WDR64: variants seen among roughly 807,000 people sequenced by gnomAD.
The protein encoded by WDR64 is WD repeat-containing protein 64.
Under a neutral mutation model 139.3 loss-of-function variants are expected in WDR64, and 112 were observed. The observed-to-expected ratio is 0.80, with a 90% CI of 0.69 to 0.94. WDR64 has a LOEUF of 0.94. Among genes scored for constraint, WDR64 ranks in the 40% least tolerant of loss-of-function variants. The probability of loss-of-function intolerance (pLI) is 0.00; values close to 1 mark genes in which losing one functional copy is unlikely to be tolerated. For missense variants in WDR64, 1,206 were observed against 1,293.1 expected (o/e 0.93, Z 1.03); for synonymous variants, 444 against 437.7 (o/e 1.01, Z -0.18).
At chr1:241,735,810 T>C (rs1669285968) in intron 10 of WDR64, among the ~76,000 whole-genome samples, 1 of 132,362 alleles carries the variant, frequency 7.6e-6, no homozygotes, top group African/African-American at 3.1e-5. Flanking sequence ...TCCCAGCCTG[T>C]CCTTCTCTTT....
intron 25 of WDR64, among the ~76,000 whole-genome samples, chr1:241,793,394 T>C (rs888533489): frequency 6.6e-6 from 1 of 152,122 alleles, no homozygotes; most frequent in East Asian, 1.9e-4. Flanking sequence ...CCACTGAATG[T>C]TCAGTATGTC....
intron 26 of WDR64, 86 bp from the exon 27 acceptor site, chr1:241,796,171 T>G (rs1659358720): frequency 1.3e-6 from 1 of 797,016 alleles, no homozygotes; most frequent in Non-Finnish European, 1.9e-6. Flanking sequence ...CAGCTGGGCC[T>G]TCTCACTCCT....
intron 2 of WDR64, among the ~76,000 whole-genome samples, chr1:241,670,017 G>A (rs1299461774): frequency 6.6e-6 from 1 of 152,090 alleles, no homozygotes; most frequent in East Asian, 1.9e-4. Flanking sequence ...TCAACTTTAT[G>A]AGAAATACTG....
intron 15 of WDR64, among the ~76,000 whole-genome samples, chr1:241,764,600 G>A (rs954874767): frequency 1.3e-5 from 2 of 152,124 alleles, no homozygotes; most frequent in Non-Finnish European, 2.9e-5. Flanking sequence ...GTTCGAGGTT[G>A]TAGTGAGCTA....
At chr1:241,753,277 T>C (rs1373098419) in intron 14 of WDR64, among the ~76,000 whole-genome samples, 4 of 152,242 alleles carry the variant, frequency 2.6e-5, no homozygotes, top group East Asian at 3.8e-4. Flanking sequence ...CACTTTTCCA[T>C]AGCTGCTTTT....
intron 21 of WDR64, among the ~76,000 whole-genome samples, chr1:241,778,372 T>G (rs1191248891): frequency 2.6e-5 from 4 of 152,210 alleles, no homozygotes; most frequent in Non-Finnish European, 4.4e-5. Context: ...ACTCCTTTGC[T>G]TTTAATCTAT....
intron 1 of WDR64, among the ~76,000 whole-genome samples, chr1:241,657,205 T>C (rs981575476): frequency 1.3e-5 from 2 of 152,142 alleles, no homozygotes; most frequent in Admixed American, 6.5e-5. Flanking sequence ...CAGCCCAGGA[T>C]GTGCAGTCAC....
intron 20 of WDR64, among the ~76,000 whole-genome samples, chr1:241,773,859 G>A (rs1658554328): frequency 6.6e-6 from 1 of 152,098 alleles, no homozygotes; most frequent in South Asian, 2.1e-4. Flanking sequence ...TATCTTACTG[G>A]ATATTTAAAT....
intron 16 of WDR64, among the ~76,000 whole-genome samples, chr1:241,767,948 T>C (rs1658255570): frequency 6.6e-6 from 1 of 152,186 alleles, no homozygotes; most frequent in African/African-American, 2.4e-5. Context: ...ACTTGATACC[T>C]ACACCTGTCT....
chr1:241,801,569 C>T lies in WDR64; in HGVS notation c.*354C>T, dbSNP rs748068101. On this transcript the variant is annotated 3_prime_UTR_variant, in exon 28 of 28. Transcript: ENST00000437684. ...TCACCTTACTCCACAGCAAGAATGACTGTCAGAACATGTGCAGTAAAAGGC... is the reference window on the plus strand; with the variant it reads ...TCACCTTACTCCACAGCAAGAATGATTGTCAGAACATGTGCAGTAAAAGGC... The T allele has an allele frequency of 2.5e-6, 1 of 405,954 alleles. No homozygotes were observed. The highest frequency in any genetic ancestry group is 4.3e-6 in the Non-Finnish European group (1 of 230,210). The allele number at this position is 405,954 out of a possible 1,614,324, so 25.1% of individuals were successfully genotyped here.
intron 10 of WDR64, among the ~76,000 whole-genome samples, chr1:241,726,996 C>T (rs772275598): frequency 2.0e-5 from 3 of 152,062 alleles, no homozygotes; most frequent in South Asian, 2.1e-4. Context: ...AAGCTATTCT[C>T]CTGCCTCAGC....
At chr1:241,705,279 C>T (rs1431041253) in intron 8 of WDR64, among the ~76,000 whole-genome samples, 1 of 151,940 alleles carries the variant, frequency 6.6e-6, no homozygotes. Flanking sequence ...GGGTGGCTCA[C>T]GCCTGTAATC....
chr1:241,705,338 G>A (rs923071937), intron 8 of WDR64, among the ~76,000 whole-genome samples: 5 of 151,868 alleles, frequency 3.3e-5, no homozygotes, highest in African/African-American at 7.3e-5. Context: ...TCAGGAGATC[G>A]AGACCATCCC....
At chr1:241,771,826 A>G (rs1268924889) in intron 19 of WDR64, 129 bp downstream of exon 19, 1 of 376,278 alleles carries the variant, frequency 2.7e-6, no homozygotes, top group African/African-American at 2.2e-5. Context: ...ATATTCATAT[A>G]CATTCATATA....
rs114109548 is a variant in WDR64 at position 241,785,751 on chromosome 1, G to A, written c.2706-2098G>A. ...CTCTAAAGAGTTAGGCAGTTTCAAC[G>A]TTCTAAATCTTGCTTGTCAAAAAGA... On this transcript the variant is annotated intron_variant, in intron 23 of 27. Transcript: ENST00000437684. Among the ~76,000 whole-genome samples the A allele has an allele frequency of 5.0e-3, 760 of 152,244 alleles. 8 individuals are homozygous for A. Among genetic ancestry groups the A allele is most frequent in the African/African-American group, 0.017 (721 of 41,544 alleles).
At chr1:241,771,945 C>CAT (rs57383177) in intron 19 of WDR64, among the ~76,000 whole-genome samples, 2,156 of 61,756 alleles carry the variant, frequency 0.035, 35 homozygotes, top group East Asian at 0.068. Context: ...TACATACATA[C>CAT]ATATATATAT....
chr1:241,754,324 T>TC (rs1670095842), intron 14 of WDR64, among the ~76,000 whole-genome samples: 1 of 139,638 alleles, frequency 7.2e-6, no homozygotes, highest in Non-Finnish European at 1.5e-5. Context: ...CTTTTTCTTT[T>TC]TTTTTTTTTT....
chr1:241,664,129 T>C (rs2148061594), intron 2 of WDR64, among the ~76,000 whole-genome samples: 1 of 152,346 alleles, frequency 6.6e-6, no homozygotes, highest in South Asian at 2.1e-4. Context: ...CATTGTTTTG[T>C]TTTTTGTTCC....
Position 241,757,401 on chromosome 1 carries a change from C to T in WDR64, c.1889C>T (p.Ala630Val), listed in dbSNP as rs1010365744. 1.9e-6 allele frequency: 3 copies of T among 1,613,874 alleles called. No homozygotes were observed. Among genetic ancestry groups the T allele is most frequent in the Non-Finnish European group, 2.5e-6 (3 of 1,179,896 alleles). The part of the protein sequence containing the change: ...LRMSTRDRNM[A>V]IPFPDVELIV... ...ATGTCTACTAGAGACAGGAACATGG[C>T]TATTCCTTTCCCAGATGTCGAGTTG... The change falls in exon 15 of 28, where the codon GCT becomes GTT. Residue 630 changes from alanine (A) to valine (V), a missense_variant. Ala to Val is a moderately conservative substitution (Grantham distance 64). Coordinates refer to ENST00000437684, the MANE Select transcript of WDR64 (RefSeq NM_001367482.1).
Sources: gnomAD v4.1 joint callset for allele counts (sites outside exome capture counted in the v4.1 genomes callset) on GRCh38, gnomAD v4.1.1 for gene constraint, MANE v1.5 for transcripts, NCBI Gene and HGNC (gene_info 2026-07-23, HGNC 2026-07-21) for gene names.